Variants in DNAH12 observed in about 807,000 individuals in gnomAD.
DNAH12 encodes the protein axonemal beta dynein heavy chain 12.
A neutral mutation model predicts 371.5 loss-of-function variants in DNAH12; 285 were observed. That is an observed-to-expected ratio of 0.77 (90% CI 0.70 to 0.85). The LOEUF (loss-of-function observed/expected upper bound fraction) is 0.85. Ranked by LOEUF, DNAH12 falls within the 40% of genes least tolerant of loss-of-function variation. The pLI is 0.00. For missense variants in DNAH12, 3,611 were observed against 3,689.4 expected, an observed-to-expected ratio of 0.98 and a Z score of 0.55; for synonymous variants, 1,200 against 1,213.0, an observed-to-expected ratio of 0.99 and a Z score of 0.22.
chr3:57,491,446 T>C (rs1054279953), intron 11 of DNAH12, among the ~76,000 whole-genome samples: 20 of 152,214 alleles, frequency 1.3e-4, no homozygotes, highest in Admixed American at 2.6e-4. Context: ...TCTATACATA[T>C]GTACTATGTA....
intron 40 of DNAH12, among the ~76,000 whole-genome samples, 174 bp from the exon 41 acceptor site, chr3:57,406,126 AGATC>A (rs2064017815): frequency 2.0e-5 from 3 of 152,100 alleles, no homozygotes; most frequent in Admixed American, 2.0e-4. Flanking sequence ...TGAGGTGGGC[AGATC>A]ACCTAAGGTC....
chr3:57,340,074 A>G (rs1335688049), intron 60 of DNAH12, among the ~76,000 whole-genome samples: 1 of 152,084 alleles, frequency 6.6e-6, no homozygotes, highest in Non-Finnish European at 1.5e-5. Context: ...CTGTTTCAAA[A>G]AAAAAAAAAA....
At chr3:57,430,173 G>T (rs141911638) in intron 32 of DNAH12, among the ~76,000 whole-genome samples, 18 of 151,858 alleles carry the variant, frequency 1.2e-4, no homozygotes, top group Non-Finnish European at 1.3e-4. Context: ...AATAGCATGC[G>T]TACTCTTATA....
chr3:57,309,283 A>C lies in DNAH12; in HGVS notation c.11086-29T>G, dbSNP rs1042622910. On this transcript the variant is annotated intron_variant, in intron 68 of 73. Coordinates refer to ENST00000495027, the MANE Select transcript of DNAH12 (RefSeq NM_001366028.2). ...AAAGAATAGATTTTGAAGATCACAA[A>C]TTATTCTCAGAATGGATAATTAGCT... The C allele has an allele frequency of 6.0e-6, 9 of 1,497,702 alleles. No homozygotes were observed. In the African/African-American group the frequency reaches 9.8e-5, roughly 16 times the overall value. 92.8% of individuals were successfully genotyped at this position (1,497,702 alleles called of 1,614,324 possible). A position where few individuals can be genotyped will look rare whatever the true frequency, so the allele number is the denominator to read the frequency against.
At chr3:57,508,202 A>AAAAAAAAAAAACC (rs1559733942) in intron 7 of DNAH12, among the ~76,000 whole-genome samples, 180 bp downstream of exon 7, 7 of 25,314 alleles carry the variant, frequency 2.8e-4, no homozygotes, top group Non-Finnish European at 7.9e-4. Flanking sequence ...AAAAAAAACA[A>AAAAAAAAAAAACC]AAAAAAAAAA....
intron 2 of DNAH12, chr3:57,530,510 CT>C: frequency 1.1e-5 from 8 of 731,048 alleles, no homozygotes; most frequent in Admixed American, 2.1e-5. Context: ...TTTTGGCATT[CT>C]TTTTCCTTTC....
intron 60 of DNAH12, among the ~76,000 whole-genome samples, chr3:57,346,488 A>G (rs2062546322): frequency 6.6e-6 from 1 of 152,118 alleles, no homozygotes; most frequent in Non-Finnish European, 1.5e-5. Flanking sequence ...ATGGAATCAT[A>G]CAAAATAGTT....
chr3:57,340,232 A>G (rs2062361078), intron 60 of DNAH12, among the ~76,000 whole-genome samples: 1 of 152,174 alleles, frequency 6.6e-6, no homozygotes, highest in South Asian at 2.1e-4. Flanking sequence ...AAGATTTCAA[A>G]TAAATAAGCT....
chr3:57,295,397 A>G, intron 73 of DNAH12, 128 bp downstream of exon 73: 1 of 629,456 alleles, frequency 1.6e-6, no homozygotes, highest in Non-Finnish European at 2.7e-6. Context: ...TAAATGTTCT[A>G]TTAATGTTTA....
intron 60 of DNAH12, among the ~76,000 whole-genome samples, chr3:57,344,408 C>G (rs971333716): frequency 5.9e-5 from 9 of 152,142 alleles, no homozygotes; most frequent in African/African-American, 2.2e-4. Flanking sequence ...ACAAATCAAC[C>G]TACTGTATGA....
At chr3:57,468,311 G>C (rs1388331359) in intron 17 of DNAH12, among the ~76,000 whole-genome samples, 1 of 152,100 alleles carries the variant, frequency 6.6e-6, no homozygotes, top group African/African-American at 2.4e-5. Flanking sequence ...ACAGTCAACA[G>C]AGTGAGACCC....
intron 43 of DNAH12, among the ~76,000 whole-genome samples, chr3:57,394,604 A>G (rs1019778163): frequency 6.6e-6 from 1 of 152,152 alleles, no homozygotes; most frequent in Non-Finnish European, 1.5e-5. Context: ...GTCTTACTTC[A>G]GGGACTGAGA....
At chr3:57,432,672 T>C (rs1342871392) in intron 32 of DNAH12, among the ~76,000 whole-genome samples, 1 of 152,132 alleles carries the variant, frequency 6.6e-6, no homozygotes, top group Non-Finnish European at 1.5e-5. Flanking sequence ...CACTGAAGAA[T>C]ATGATTCCAA....
chr3:57,492,407 C>T (rs1398180652), intron 11 of DNAH12, among the ~76,000 whole-genome samples: 1 of 151,872 alleles, frequency 6.6e-6, no homozygotes, highest in East Asian at 1.9e-4. Context: ...TTGTGGTGAG[C>T]CGAGATTGCA....
At chr3:57,465,253 T>C (rs1012225364) in intron 17 of DNAH12, among the ~76,000 whole-genome samples, 5 of 152,122 alleles carry the variant, frequency 3.3e-5, no homozygotes, top group African/African-American at 1.2e-4. Flanking sequence ...ACTTGAAAAA[T>C]ATATATATAG....
Position 57,335,983 on chromosome 3 carries a change from G to A in DNAH12, c.9675-1043C>T, listed in dbSNP as rs190600018. On this transcript the variant is annotated intron_variant, in intron 60 of 73. Transcript: ENST00000495027. The stretch of plus-strand genomic sequence containing the variant: ...CTGTAAGAAAGCTTAAACACAAGTC[G>A]TCTTCTTTTTTTTAAGAGATGGCGA... Among the ~76,000 whole-genome samples, 7 of 152,298 alleles carry A rather than the reference G, an allele frequency of 4.6e-5. 1 individual carries two copies. The South Asian group carries it at 6.2e-4, about 14-fold the overall frequency.
chr3:57,499,647 A>AAAAATATATATATATATAT (rs1451248906), intron 11 of DNAH12, among the ~76,000 whole-genome samples: 1 of 17,956 alleles, frequency 5.6e-5, no homozygotes, highest in Non-Finnish European at 1.2e-4. Context: ...AAAAAAAAAA[A>AAAAATATATATATATATAT]ATATATATAT....
At chr3:57,531,280 T>G (rs1157867792) in intron 2 of DNAH12, among the ~76,000 whole-genome samples, 1 of 152,230 alleles carries the variant, frequency 6.6e-6, no homozygotes, top group Non-Finnish European at 1.5e-5. Context: ...TAAAGCATAT[T>G]TTTTCCAGAT....
chr3:57,467,115 C>T (rs1163861990), intron 17 of DNAH12, among the ~76,000 whole-genome samples: 1 of 152,084 alleles, frequency 6.6e-6, no homozygotes, highest in Admixed American at 6.5e-5. Flanking sequence ...GAGAATAGCT[C>T]TATCAAGGTT....
Sources: gnomAD v4.1 joint callset for allele counts (sites outside exome capture counted in the v4.1 genomes callset) on GRCh38, gnomAD v4.1.1 for gene constraint, MANE v1.5 for transcripts, NCBI Gene and HGNC (gene_info 2026-07-23, HGNC 2026-07-21) for gene names.